Variants in CACNA2D3 observed in about 807,000 individuals in gnomAD.
The protein encoded by CACNA2D3 is calcium voltage-gated channel auxiliary subunit alpha2delta 3, also known as voltage-dependent calcium channel subunit alpha-2/delta-3.
In CACNA2D3, 60 loss-of-function variants were observed where a neutral mutation model predicts 160.6. The ratio of observed to expected loss-of-function variants is 0.37; its 90% CI spans 0.30 to 0.46. CACNA2D3 has a LOEUF of 0.46. CACNA2D3 is among the 20% of genes least tolerant of loss of function. The pLI is 1.00. For missense variants in CACNA2D3, 1,205 were observed against 1,365.0 expected, an observed-to-expected ratio of 0.88 and a Z score of 1.85; for synonymous variants, 558 against 492.9, an observed-to-expected ratio of 1.13 and a Z score of -1.75.
At chr3:54,550,745 TAG>T (rs1470787114) in intron 5 of CACNA2D3, among the ~76,000 whole-genome samples, 1 of 152,152 alleles carries the variant, frequency 6.6e-6, no homozygotes, top group African/African-American at 2.4e-5. Flanking sequence ...CCCCGTGGTA[TAG>T]TGATTCTGCA....
intron 2 of CACNA2D3, among the ~76,000 whole-genome samples, chr3:54,242,227 C>A (rs1293675024): frequency 6.6e-6 from 1 of 151,976 alleles, no homozygotes; most frequent in Non-Finnish European, 1.5e-5. Flanking sequence ...TCCAGACCAG[C>A]CTGGCCAACA....
At chr3:54,289,394 A>G (rs1294197860) in intron 2 of CACNA2D3, among the ~76,000 whole-genome samples, 1 of 152,178 alleles carries the variant, frequency 6.6e-6, no homozygotes, top group Non-Finnish European at 1.5e-5. Flanking sequence ...ACCACTGCTC[A>G]ATGAAATAAA....
At chr3:54,530,705 T>A (rs901155984) in intron 5 of CACNA2D3, among the ~76,000 whole-genome samples, 2 of 152,202 alleles carry the variant, frequency 1.3e-5, no homozygotes, top group African/African-American at 4.8e-5. Flanking sequence ...CCTCATTTTA[T>A]AAATGAAGAA....
intron 28 of CACNA2D3, 41 bp from the exon 29 acceptor site, chr3:54,969,759 T>C: frequency 6.3e-7 from 1 of 1,597,052 alleles, no homozygotes; most frequent in Non-Finnish European, 8.6e-7. Context: ...GATGCCCAAG[T>C]AACATAGTAA....
At chr3:54,850,037 C>T (rs186643435) in intron 17 of CACNA2D3, among the ~76,000 whole-genome samples, 10 of 152,298 alleles carry the variant, frequency 6.6e-5, no homozygotes, top group African/African-American at 9.6e-5. Context: ...CCTTAATCAG[C>T]GGACTCACTT....
intron 4 of CACNA2D3, among the ~76,000 whole-genome samples, chr3:54,424,840 C>T (rs1296476467): frequency 6.6e-6 from 1 of 152,160 alleles, no homozygotes. Flanking sequence ...CTGCATTCTC[C>T]ATATTCCTGC....
chr3:54,574,271 C>T (rs1380641242), intron 8 of CACNA2D3, among the ~76,000 whole-genome samples: 1 of 152,050 alleles, frequency 6.6e-6, no homozygotes, highest in Non-Finnish European at 1.5e-5. Context: ...TCATCATTGC[C>T]TCTTGATTTT....
intron 4 of CACNA2D3, among the ~76,000 whole-genome samples, chr3:54,435,843 A>C (rs549138560): frequency 6.6e-5 from 10 of 152,344 alleles, no homozygotes; most frequent in Admixed American, 2.0e-4. Flanking sequence ...AATTCTCTGC[A>C]AACAAATGAA....
intron 27 of CACNA2D3, chr3:54,928,163 CT>C: frequency 1.9e-6 from 1 of 518,152 alleles, no homozygotes. Context: ...TGCCCCTCTT[CT>C]TTCTTAAAAT....
chr3:55,053,779 C>G (rs1044277018), intron 35 of CACNA2D3, among the ~76,000 whole-genome samples: 2 of 151,880 alleles, frequency 1.3e-5, no homozygotes, highest in Non-Finnish European at 2.9e-5. Context: ...TATGTCCTTT[C>G]TTGCCTTACT....
At chr3:54,214,843 T>A (rs1701432991) in intron 2 of CACNA2D3, among the ~76,000 whole-genome samples, 1 of 152,218 alleles carries the variant, frequency 6.6e-6, no homozygotes, top group Non-Finnish European at 1.5e-5. Flanking sequence ...TCACCATGGT[T>A]CTTCCCATTT....
intron 2 of CACNA2D3, among the ~76,000 whole-genome samples, chr3:54,216,374 T>C (rs141609348): frequency 1.1e-4 from 17 of 152,346 alleles, no homozygotes; most frequent in African/African-American, 4.1e-4. Context: ...ATTCCAGGTA[T>C]ATGTGTGCTT....
rs370682041 is a variant in CACNA2D3, at chr3:54,503,750, C to T, written c.544+96C>T. On this transcript the variant is annotated intron_variant, in intron 5 of 37. Coordinates refer to ENST00000474759, the MANE Select transcript of CACNA2D3 (RefSeq NM_018398.3). Reference sequence around the variant, plus strand: ...TTTGGGATATAGTTTTGGTTTGTTTCATTTTTTTTGAAAAGCACAGTTATA... The same window carrying T: ...TTTGGGATATAGTTTTGGTTTGTTTTATTTTTTTTGAAAAGCACAGTTATA... 233 of 1,158,822 alleles carry T rather than the reference C, an allele frequency of 2.0e-4. 1 individual carries two copies. In the African/African-American group the frequency reaches 3.3e-3, roughly 16 times the overall value. 71.8% of individuals were successfully genotyped at this position (1,158,822 alleles called of 1,614,324 possible). A position where few individuals can be genotyped will look rare whatever the true frequency, so the allele number is the denominator to read the frequency against.
At chr3:54,136,247 A>G (rs944126114) in intron 2 of CACNA2D3, among the ~76,000 whole-genome samples, 2 of 152,240 alleles carry the variant, frequency 1.3e-5, no homozygotes, top group Non-Finnish European at 2.9e-5. Flanking sequence ...TGTATAAGTG[A>G]AGCTGATAGG....
At chr3:54,754,700 A>G (rs2107074371) in intron 12 of CACNA2D3, among the ~76,000 whole-genome samples, 1 of 152,310 alleles carries the variant, frequency 6.6e-6, no homozygotes, top group Middle Eastern at 3.4e-3. Context: ...AGATTGGTTC[A>G]GTGGTCTGCT....
chr3:54,197,832 T>C (rs958605983), intron 2 of CACNA2D3, among the ~76,000 whole-genome samples: 6 of 152,190 alleles, frequency 3.9e-5, no homozygotes, highest in Admixed American at 2.6e-4. Flanking sequence ...TTTCTGCACG[T>C]TCTTTGAAGG....
chr3:54,595,812 C>T (rs1468516437), intron 9 of CACNA2D3, among the ~76,000 whole-genome samples: 3 of 152,098 alleles, frequency 2.0e-5, no homozygotes, highest in Non-Finnish European at 4.4e-5. Context: ...TCCTGAGACT[C>T]AGGGGGAGTA....
chr3:54,194,802 A>G (rs567643384), intron 2 of CACNA2D3, among the ~76,000 whole-genome samples: 73 of 152,236 alleles, frequency 4.8e-4, no homozygotes, highest in African/African-American at 1.7e-3. Flanking sequence ...CTCTCATCCC[A>G]TCCTGAGGGC....
Position 54,630,580 on chromosome 3 carries a change from C to A in CACNA2D3, c.1053+2704C>A, listed in dbSNP as rs145628477. Among the ~76,000 whole-genome samples the A allele has an allele frequency of 4.9e-3, 750 of 152,334 alleles. 3 individuals carry two copies. The highest frequency in any genetic ancestry group is 8.5e-3 in the Non-Finnish European group (581 of 68,032). On this transcript the variant is annotated intron_variant, in intron 10 of 37. Transcript: ENST00000474759. ...ACCTTTAAAAATGTGTTTAACCACA[C>A]TTACTAACCCAGGAACACTTTATAT... is the stretch of plus-strand genomic sequence containing the variant.
Sources: allele counts gnomAD v4.1 joint callset (sites outside exome capture counted in the v4.1 genomes callset), GRCh38; gene constraint gnomAD v4.1.1; transcripts MANE v1.5; gene names NCBI Gene and HGNC (gene_info 2026-07-23, HGNC 2026-07-21).